Variants in SLAMF9 observed in about 807,000 individuals in gnomAD.
SLAMF9 encodes the protein CD2 family member 10.
Under a neutral mutation model 30.4 loss-of-function variants are expected in SLAMF9, and 25 were observed. The ratio of observed to expected loss-of-function variants is 0.82; its 90% CI spans 0.60 to 1.15. The LOEUF is 1.15. SLAMF9 is among the 50% of genes most tolerant of loss of function. The pLI, the probability that SLAMF9 is intolerant of heterozygous loss-of-function variation, is 0.00. For missense variants in SLAMF9, 344 were observed against 346.1 expected, an observed-to-expected ratio of 0.99 and a Z score of 0.05; for synonymous variants, 129 against 127.2, an observed-to-expected ratio of 1.01 and a Z score of -0.09.
the SLAMF9 span, among the ~76,000 whole-genome samples, chr1:159,959,776 C>G: frequency 0.016 from 2,410 of 152,210 alleles, 152 homozygotes; most frequent in East Asian, 0.17. Flanking sequence ...CCTTTCTCAG[C>G]CCTCCATCCA....
the SLAMF9 span, among the ~76,000 whole-genome samples, chr1:159,966,087 C>T: frequency 0.011 from 1,655 of 152,212 alleles, 13 homozygotes; most frequent in South Asian, 0.033. Context: ...AACTTTGTAC[C>T]CTCAGACCAG....
At position 159,952,372 on chromosome 1, in the gene SLAMF9, A is replaced by T; in HGVS notation, c.554T>A (p.Leu185His). 1 of 1,614,088 alleles carries T rather than the reference A, an allele frequency of 6.2e-7. No homozygotes were observed. The highest frequency in any genetic ancestry group is 2.2e-5 in the East Asian group (1 of 44,876). Residue 185 changes from leucine to histidine, a missense_variant, in exon 3 of 4, where the codon CTC becomes CAC. Leu to His is a moderately conservative substitution (Grantham distance 99, BLOSUM62 -3). Transcript: ENST00000368093. ...GTCCCCCGGCCTCCAGGATGTGCTG[A>T]GGACAGGGCCTTCATGGAATGTATA... is the stretch of plus-strand genomic sequence containing the variant. ...STYTFHEGPV[L>H]STSWRPGDSA... is the part of the protein sequence containing the mutation.
the SLAMF9 span, among the ~76,000 whole-genome samples, chr1:159,973,647 C>A: frequency 9.1e-3 from 1,388 of 152,268 alleles, 12 homozygotes; most frequent in African/African-American, 0.031. Context: ...GGTATTGAGA[C>A]AACATCTTGG....
the SLAMF9 span, chr1:159,976,534 C>T: frequency 1.3e-5 from 2 of 152,294 alleles, no homozygotes; most frequent in Non-Finnish European, 2.9e-5. Flanking sequence ...TCACAATGTG[C>T]TTCTTTGTTC....
the SLAMF9 span, among the ~76,000 whole-genome samples, chr1:159,960,341 A>G: frequency 6.6e-6 from 1 of 151,268 alleles, no homozygotes; most frequent in Non-Finnish European, 1.5e-5. Context: ...CAAAGGACAT[A>G]AACTCATCAT....
chr1:159,977,862 A>G, the SLAMF9 span, among the ~76,000 whole-genome samples: 4 of 152,186 alleles, frequency 2.6e-5, no homozygotes, highest in Admixed American at 2.6e-4. Context: ...TCATGGAGAC[A>G]TGCAGGAACA....
the SLAMF9 span, chr1:159,976,973 G>GAAAGAAAGAAA: frequency 1.9e-4 from 22 of 115,804 alleles, no homozygotes; most frequent in African/African-American, 7.8e-4. Context: ...AAAGAAAGAA[G>GAAAGAAAGAAA]GAAAGAAGGA....
chr1:159,964,386 C>G, the SLAMF9 span, among the ~76,000 whole-genome samples: 1 of 152,158 alleles, frequency 6.6e-6, no homozygotes, highest in Non-Finnish European at 1.5e-5. Flanking sequence ...AGCTTTTAAT[C>G]TGTTCTCCTG....
At chr1:159,952,608 T>C in intron 2 of SLAMF9, 74 bp from the exon 3 acceptor site, 1 of 1,526,066 alleles carries the variant, frequency 6.6e-7, no homozygotes, top group Non-Finnish European at 8.9e-7. Flanking sequence ...TCCTCAAACC[T>C]GGGGTACTAA....
At chr1:159,972,836 A>T in the SLAMF9 span, 1 of 935,294 alleles carries the variant, frequency 1.1e-6, no homozygotes, top group Non-Finnish European at 1.5e-6. Context: ...GATGGGACAC[A>T]GGAGCTGGGA....
the SLAMF9 span, chr1:159,972,922 C>A: frequency 9.9e-7 from 1 of 1,009,518 alleles, no homozygotes; most frequent in Non-Finnish European, 1.4e-6. Context: ...CTTCCCACAA[C>A]TCCTCTCCTC....
At chr1:159,969,913 A>G in the SLAMF9 span, among the ~76,000 whole-genome samples, 2 of 152,152 alleles carry the variant, frequency 1.3e-5, no homozygotes, top group East Asian at 3.9e-4. Context: ...ATGGTGGTGC[A>G]CTGGTGCACT....
At chr1:159,956,207 T>C (rs949960644), upstream of SLAMF9, among the ~76,000 whole-genome samples, 3 of 152,200 alleles carry the variant, frequency 2.0e-5, no homozygotes, top group Non-Finnish European at 2.9e-5. Flanking sequence ...AGCTCATGCC[T>C]ATGATCCTAG....
chr1:159,962,684 G>T, the SLAMF9 span, among the ~76,000 whole-genome samples: 3 of 152,156 alleles, frequency 2.0e-5, no homozygotes, highest in African/African-American at 7.2e-5. Context: ...TTAAGGGAAG[G>T]CCTGCACAGT....
the SLAMF9 span, chr1:159,973,196 C>T: frequency 5.6e-6 from 8 of 1,434,676 alleles, no homozygotes; most frequent in Non-Finnish European, 7.8e-6. Context: ...GGGGGTGCAG[C>T]TTTGTTTGAC....
chr1:159,953,658 G>A lies in SLAMF9; in HGVS notation c.47-5C>T, dbSNP rs1309231059. The A allele has an allele frequency of 6.3e-7, 1 of 1,586,982 alleles. No individual in the cohort carries two copies. The highest frequency in any genetic ancestry group is 8.6e-7 in the Non-Finnish European group (1 of 1,163,494). On this transcript the variant is annotated splice_polypyrimidine_tract_variant and splice_region_variant and intron_variant, in intron 1 of 3. Transcript: ENST00000368093. ...TCCAGAGTCTCCTTTGGCTGCCTAT[G>A]CAGGAAGAAAAGAGAAGCAAACAAC...
At chr1:159,957,121 CAA>C (rs55697835), upstream of SLAMF9, among the ~76,000 whole-genome samples, 1 of 73,182 alleles carries the variant, frequency 1.4e-5, no homozygotes, top group Non-Finnish European at 2.2e-5. Context: ...GACTCTGTCT[CAA>C]AAAAAAAAAA....
chr1:159,958,619 C>A (rs1651979762), upstream of SLAMF9, among the ~76,000 whole-genome samples: 1 of 152,046 alleles, frequency 6.6e-6, no homozygotes, highest in South Asian at 2.1e-4. Flanking sequence ...CACCACCATG[C>A]CCAGCTAAGT....
chr1:159,973,072 G>C, the SLAMF9 span: 3 of 1,479,128 alleles, frequency 2.0e-6, no homozygotes, highest in Non-Finnish European at 2.7e-6. Context: ...CACCAGTAAA[G>C]CCCAGAGTCT....
Sources: allele counts gnomAD v4.1 joint callset (sites outside exome capture counted in the v4.1 genomes callset), GRCh38; gene constraint gnomAD v4.1.1; transcripts MANE v1.5; gene names NCBI Gene and HGNC (gene_info 2026-07-23, HGNC 2026-07-21).